Variants in CCDC148 observed in about 807,000 individuals in gnomAD.
The protein encoded by CCDC148 is coiled-coil domain containing 148.
Under a neutral mutation model 85.7 loss-of-function variants are expected in CCDC148, and 89 were observed. The observed-to-expected ratio is 1.04, with a 90% CI of 0.87 to 1.24. CCDC148 has a LOEUF of 1.24. Among genes scored for constraint, CCDC148 ranks in the 50% most tolerant of loss-of-function variants. CCDC148 has a pLI of 0.00. For missense variants in CCDC148, 692 were observed against 671.7 expected (o/e 1.03, Z -0.33); for synonymous variants, 230 against 213.9 (o/e 1.08, Z -0.66).
intron 1 of CCDC148, among the ~76,000 whole-genome samples, chr2:158,424,053 A>AT (rs1686944412): frequency 6.6e-6 from 1 of 152,248 alleles, no homozygotes; most frequent in African/African-American, 2.4e-5. Flanking sequence ...TGATCATTAA[A>AT]AAGTGAGGAA....
At chr2:158,438,758 T>C (rs138980416) in intron 1 of CCDC148, among the ~76,000 whole-genome samples, 52,196 of 151,926 alleles carry the variant, frequency 0.34, 10,191 homozygotes, top group Middle Eastern at 0.47. Context: ...GAATCTACAA[T>C]GAACTCCAAC....
intron 1 of CCDC148, among the ~76,000 whole-genome samples, chr2:158,385,392 T>C (rs897911357): frequency 6.6e-6 from 1 of 152,194 alleles, no homozygotes; most frequent in African/African-American, 2.4e-5. Flanking sequence ...AGAATTATAC[T>C]ACACATACAA....
At position 158,216,386 on chromosome 2, in the gene CCDC148, C is replaced by CTTT. The variant is rs397697591; in HGVS notation, c.1370+4206_1370+4208dup. Among the ~76,000 whole-genome samples the CTTT allele has an allele frequency of 1.0e-4, 6 of 59,470 alleles. 1 individual carries two copies. The highest frequency in any genetic ancestry group is 2.9e-4 in the African/African-American group (4 of 13,990). 39.0% of individuals were successfully genotyped at this position (59,470 alleles called of 152,430 possible). A position where few individuals can be genotyped will look rare whatever the true frequency, so the allele number is the denominator to read the frequency against. On this transcript the variant is annotated intron_variant, in intron 11 of 13. Transcript: ENST00000283233. ...AAGAACAGCAACAAAAAGCACAATA[C>CTTT]TTTTTTTTTTTTTTTTTTTTTTTTT...
intron 9 of CCDC148, among the ~76,000 whole-genome samples, chr2:158,293,552 A>G (rs1233448215): frequency 1.3e-5 from 2 of 152,218 alleles, no homozygotes; most frequent in African/African-American, 4.8e-5. Flanking sequence ...TATAGTCACC[A>G]CTTAACAAAA....
chr2:158,290,731 AG>A (rs2105187216), intron 9 of CCDC148, among the ~76,000 whole-genome samples: 2 of 152,332 alleles, frequency 1.3e-5, no homozygotes, highest in African/African-American at 4.8e-5. Flanking sequence ...AACTTGCATT[AG>A]AAATGAAGCT....
At chr2:158,222,641 C>A (rs1687250855) in intron 10 of CCDC148, among the ~76,000 whole-genome samples, 1 of 152,230 alleles carries the variant, frequency 6.6e-6, no homozygotes, top group Admixed American at 6.5e-5. Context: ...ACCCCATGTG[C>A]CATTTTGCTG....
intron 1 of CCDC148, chr2:158,365,875 T>G (rs1684179000): frequency 4.9e-6 from 3 of 610,440 alleles, no homozygotes; most frequent in South Asian, 2.4e-5. Context: ...TGTAAAGAAC[T>G]GGCCGGTCAT....
intron 1 of CCDC148, among the ~76,000 whole-genome samples, chr2:158,360,850 T>C (rs1291193118): frequency 6.6e-6 from 1 of 151,890 alleles, no homozygotes; most frequent in Non-Finnish European, 1.5e-5. Context: ...GAAGTAGGCT[T>C]CAGAAGGTGG....
intron 11 of CCDC148, among the ~76,000 whole-genome samples, chr2:158,184,519 A>G (rs1685064760): frequency 6.6e-6 from 1 of 152,168 alleles, no homozygotes; most frequent in Non-Finnish European, 1.5e-5. Context: ...TGAACACTGT[A>G]GTAAAATCAC....
chr2:158,189,621 C>A (rs1685323841), intron 11 of CCDC148, among the ~76,000 whole-genome samples: 1 of 151,858 alleles, frequency 6.6e-6, no homozygotes, highest in Admixed American at 6.6e-5. Context: ...AAAAGGAGGA[C>A]TTAGTGTGCT....
chr2:158,297,333 A>G (rs781307758), intron 9 of CCDC148, among the ~76,000 whole-genome samples: 1 of 152,198 alleles, frequency 6.6e-6, no homozygotes, highest in African/African-American at 2.4e-5. Flanking sequence ...AGTAAATTAC[A>G]TCTATAGATG....
At chr2:158,172,778 G>A (rs6437142) in intron 13 of CCDC148, among the ~76,000 whole-genome samples, 150,055 of 152,182 alleles carry the variant, frequency 0.99, 74,016 homozygotes, top group Middle Eastern at 1. Context: ...TGCCTCCATC[G>A]ATCTGATTCT....
intron 2 of CCDC148, among the ~76,000 whole-genome samples, chr2:158,356,618 T>G (rs1484419541): frequency 6.7e-6 from 1 of 148,454 alleles, no homozygotes; most frequent in Non-Finnish European, 1.5e-5. Flanking sequence ...TAGGAACACT[T>G]TTACACTGTT....
intron 9 of CCDC148, among the ~76,000 whole-genome samples, chr2:158,279,563 G>A (rs539661942): frequency 0.075 from 11,302 of 151,524 alleles, 637 homozygotes; most frequent in Middle Eastern, 0.12. Flanking sequence ...AAGTGAGAAG[G>A]TAAGTTTAGA....
Position 158,172,220 on chromosome 2 carries a change from G to A in CCDC148, c.1669C>T (p.Arg557Ter), listed in dbSNP as rs752963296. 5.6e-6 allele frequency: 9 copies of A among 1,607,752 alleles called. No homozygotes were observed. Among genetic ancestry groups the A allele is most frequent in the South Asian group, 2.2e-5 (2 of 89,760 alleles). Residue 557 changes from arginine (R) to a stop codon, truncating the protein, a stop_gained, in exon 14 of 14, where the codon CGA (arginine) becomes TGA (stop). Transcript: ENST00000283233. LOFTEE classifies it high-confidence loss of function. ...DPRLRFELAL[R>*]EAGLHRTLYA... The stretch of plus-strand genomic sequence containing the variant: ...AGTGTTCTATGAAGTCCAGCTTCTC[G>A]AAGTGCTAACTCGAAGCGAAGTCTA...
chr2:158,220,518 A>G, intron 11 of CCDC148, 77 bp downstream of exon 11: 1 of 951,110 alleles, frequency 1.1e-6, no homozygotes, highest in Non-Finnish European at 1.6e-6. Context: ...GTTCCCTCTG[A>G]TATTATTTAT....
At chr2:158,393,353 T>C (rs1292767793) in intron 1 of CCDC148, 2 of 152,210 alleles carry the variant, frequency 1.3e-5, no homozygotes, top group African/African-American at 4.8e-5. Context: ...GCTATGCTAC[T>C]GGAGCACAAA....
chr2:158,198,752 G>C (rs1685803452), intron 11 of CCDC148, among the ~76,000 whole-genome samples: 1 of 152,134 alleles, frequency 6.6e-6, no homozygotes, highest in Admixed American at 6.6e-5. Flanking sequence ...ACAGTGAACT[G>C]AGTTTAAATT....
intron 11 of CCDC148, among the ~76,000 whole-genome samples, chr2:158,211,300 A>C (rs547904488): frequency 6.6e-6 from 1 of 152,346 alleles, no homozygotes; most frequent in African/African-American, 2.4e-5. Context: ...AATTTGAGAT[A>C]ATTGATTCTC....
Sources: allele counts gnomAD v4.1 joint callset (sites outside exome capture counted in the v4.1 genomes callset), GRCh38; gene constraint gnomAD v4.1.1; transcripts MANE v1.5; gene names NCBI Gene and HGNC (gene_info 2026-07-23, HGNC 2026-07-21).